ATAD3A: variants seen among roughly 807,000 people sequenced by gnomAD.
ATAD3A encodes the protein ATPase family AAA domain containing 3A, also known as ATPase family AAA domain-containing protein 3A.
ATAD3A carries 46 observed loss-of-function variants against 73.8 expected under a neutral mutation model. That is an observed-to-expected ratio of 0.62 (90% CI 0.49 to 0.80). The LOEUF (loss-of-function observed/expected upper bound fraction) is 0.80, where lower values mean the gene tolerates loss of function less well. Ranked by LOEUF, ATAD3A falls within the 30% of genes least tolerant of loss-of-function variation. ATAD3A has a pLI of 0.00. For synonymous variants in ATAD3A, 319 were observed against 350.0 expected (o/e 0.91, Z 0.99); for missense variants, 705 against 838.0 (o/e 0.84, Z 1.96).
intron 13 of ATAD3A, 121 bp downstream of exon 13, chr1:1,526,652 C>T (rs1387107618): frequency 1.9e-6 from 3 of 1,553,616 alleles, no homozygotes; most frequent in South Asian, 1.2e-5. Flanking sequence ...GTGGCCTCAA[C>T]ATGCCCACCT....
chr1:1,525,786 G>T (rs1177605006), intron 12 of ATAD3A, among the ~76,000 whole-genome samples: 2 of 152,038 alleles, frequency 1.3e-5, no homozygotes, highest in Non-Finnish European at 2.9e-5. Context: ...GCTCACTGTT[G>T]CCTCGACCTC....
chr1:1,519,178 G>A (rs1430979053), intron 5 of ATAD3A, among the ~76,000 whole-genome samples, 188 bp downstream of exon 5: 1 of 151,532 alleles, frequency 6.6e-6, no homozygotes, highest in Non-Finnish European at 1.5e-5. Context: ...TGGACGCCAG[G>A]ATCTGTTCAG....
At chr1:1,518,225 C>T (rs372287501) in intron 4 of ATAD3A, among the ~76,000 whole-genome samples, 7 of 151,208 alleles carry the variant, frequency 4.6e-5, no homozygotes, top group South Asian at 4.2e-4. Flanking sequence ...CAGACAGGTA[C>T]GCACATACAC....
intron 1 of ATAD3A, among the ~76,000 whole-genome samples, chr1:1,514,522 GT>G (rs1488163502): frequency 6.6e-6 from 1 of 152,198 alleles, no homozygotes; most frequent in Non-Finnish European, 1.5e-5. Context: ...GGCCCCCGAG[GT>G]TAGCTACCAA....
Position 1,520,935 on chromosome 1 carries a change from G to T in ATAD3A, c.750+318G>T, listed in dbSNP as rs551773042. ...AGGAGGATCACTTAAGCCCAGGGAG[G>T]TTGCAGCTGCACTGAGCTGAGATCG... On this transcript the variant is annotated intron_variant, in intron 7 of 15. Coordinates refer to ENST00000378756, the MANE Select transcript of ATAD3A (RefSeq NM_001170535.3). This position sits in a 1 kb window ranked among gnomAD's most constrained non-coding sequence, Gnocchi z 4.0. 2.2e-3 allele frequency among the ~76,000 whole-genome samples: 339 copies of T among 152,128 alleles called. No individual in the cohort carries two copies. The highest frequency in any genetic ancestry group is 7.6e-3 in the African/African-American group (317 of 41,504).
At chr1:1,533,739 C>T (rs1642115101) in intron 15 of ATAD3A, among the ~76,000 whole-genome samples, 187 bp from the exon 16 acceptor site, 1 of 151,504 alleles carries the variant, frequency 6.6e-6, no homozygotes, top group Non-Finnish European at 1.5e-5. Flanking sequence ...GGGCTGTGGG[C>T]ACTGCAGGGG....
intron 13 of ATAD3A, 61 bp from the exon 14 acceptor site, chr1:1,527,634 T>C: frequency 1.9e-6 from 3 of 1,545,838 alleles, no homozygotes; most frequent in Non-Finnish European, 2.6e-6. Flanking sequence ...GGAGGCCCCG[T>C]TCCCCTTGGT....
rs762608289 is a variant in ATAD3A at position 1,527,688 on chromosome 1, C to T, written c.1338-7C>T. 2 of 1,606,642 alleles carry T rather than the reference C, an allele frequency of 1.2e-6. No homozygotes were observed. The highest frequency in any genetic ancestry group is 1.7e-5 in the Admixed American group (1 of 59,476). On this transcript the variant is annotated splice_region_variant and splice_polypyrimidine_tract_variant and intron_variant, in intron 13 of 15. Coordinates refer to ENST00000378756, the MANE Select transcript of ATAD3A (RefSeq NM_001170535.3). ...CCAGCATCCTCATCCTCATCCCCGCCCCGCAGGTTCATGCTGGTCCTGGCC... is the reference window on the plus strand; with the variant it reads ...CCAGCATCCTCATCCTCATCCCCGCTCCGCAGGTTCATGCTGGTCCTGGCC...
At chr1:1,514,147 G>T (rs192523565) in intron 1 of ATAD3A, among the ~76,000 whole-genome samples, 215 of 152,258 alleles carry the variant, frequency 1.4e-3, no homozygotes, top group Admixed American at 2.7e-3. Flanking sequence ...TCTAATAACC[G>T]AGAGGCCACA....
chr1:1,523,513 C>T lies in ATAD3A; in HGVS notation c.909C>T (p.Val303=). The change falls in exon 9 of 16, where the codon GTC becomes GTT. Residue 303 remains valine, a splice_region_variant and synonymous_variant. Transcript: ENST00000378756. The surrounding 1 kb of genome is among the most constrained non-coding windows in gnomAD (Gnocchi z 5.1). ...CGCTTCCCCTTCCCCTCCGGCAGGT[C>T]AGCCGGCGGCTCCTCAGTCGACCCC... is the stretch of plus-strand genomic sequence containing the variant. ...VLEALRHPIQ[V]SRRLLSRPQD... The T allele has an allele frequency of 6.2e-7, 1 of 1,612,260 alleles. No individual in the cohort carries two copies. The highest frequency in any genetic ancestry group is 1.1e-5 in the South Asian group (1 of 90,854).
Position 1,534,078 on chromosome 1 carries a change from C to T in ATAD3A, c.*6C>T, listed in dbSNP as rs577672814. 1.4e-4 allele frequency: 232 copies of T among 1,613,244 alleles called. No homozygotes were observed. Among genetic ancestry groups the T allele is most frequent in the Non-Finnish European group, 1.8e-4 (210 of 1,179,628 alleles). On this transcript the variant is annotated 3_prime_UTR_variant, in exon 16 of 16. Coordinates refer to ENST00000378756, the MANE Select transcript of ATAD3A (RefSeq NM_001170535.3). Reference sequence around the variant, plus strand: ...ACGAGCCCTCCCCATCCTGAGTCCACAGGGAGATCCACAGCTCACGGAGCC... The same window carrying T: ...ACGAGCCCTCCCCATCCTGAGTCCATAGGGAGATCCACAGCTCACGGAGCC...
Position 1,534,108 on chromosome 1 carries a change from C to G in ATAD3A, c.*36C>G, listed in dbSNP as rs377549055. 6 of 1,613,212 alleles carry G rather than the reference C, an allele frequency of 3.7e-6. No individual in the cohort carries two copies. The highest frequency in any genetic ancestry group is 4.2e-6 in the Non-Finnish European group (5 of 1,179,748). Reference sequence around the variant, plus strand: ...AGATCCACAGCTCACGGAGCCTGGCCGCGGACCCCTCCCACCCCTGCCTTG... The same window carrying G: ...AGATCCACAGCTCACGGAGCCTGGCGGCGGACCCCTCCCACCCCTGCCTTG... On this transcript the variant is annotated 3_prime_UTR_variant, in exon 16 of 16. Transcript: ENST00000378756.
chr1:1,518,689 A>ACACACCCC (rs1553125142), intron 4 of ATAD3A, among the ~76,000 whole-genome samples: 1 of 85,982 alleles, frequency 1.2e-5, no homozygotes, highest in African/African-American at 5.2e-5. Context: ...ACACACACAC[A>ACACACCCC]CCCAAACGGG....
chr1:1,518,877 A>G (rs1206450502), intron 4 of ATAD3A, 44 bp from the exon 5 acceptor site: 1 of 1,613,556 alleles, frequency 6.2e-7, no homozygotes, highest in Non-Finnish European at 8.5e-7. Flanking sequence ...GGGCACAGTC[A>G]CAGGTTTTAA....
rs1268343922 is a variant in ATAD3A, at chr1:1,520,069, C to A, written c.515-72C>A. ...GCGTGGGCCGGTCCGTGGCGTGGGC[C>A]GGTCCACAGTGTGGGTGGAGGTGGA... On this transcript the variant is annotated intron_variant, in intron 5 of 15. Coordinates refer to ENST00000378756, the MANE Select transcript of ATAD3A (RefSeq NM_001170535.3). The surrounding 1 kb of genome is among the most constrained non-coding windows in gnomAD (Gnocchi z 4.0). The A allele has an allele frequency of 5.8e-6, 9 of 1,552,282 alleles. No homozygotes were observed. Among genetic ancestry groups the A allele is most frequent in the Non-Finnish European group, 7.8e-6 (9 of 1,148,504 alleles).
rs751798068 is a variant in ATAD3A at position 1,529,172 on chromosome 1, T to C, written c.1506-51T>C. On this transcript the variant is annotated intron_variant, in intron 14 of 15. Coordinates refer to ENST00000378756, the MANE Select transcript of ATAD3A (RefSeq NM_001170535.3). ...TGCCTGTCTTCCGGCCTCCACCTCG[T>C]GTTGTGGGAGCTGCTGCCTTGGCCG... 8 of 1,596,530 alleles carry C rather than the reference T, an allele frequency of 5.0e-6. No individual in the cohort carries two copies. In the Admixed American group the frequency reaches 5.4e-5, roughly 11 times the overall value.
At position 1,520,056 on chromosome 1, in the gene ATAD3A, C is replaced by T; in HGVS notation, c.515-85C>T. ...TGGTCTGTCCGTGGCGTGGGCCGGTCCGTGGCGTGGGCCGGTCCACAGTGT... is the reference window on the plus strand; with the variant it reads ...TGGTCTGTCCGTGGCGTGGGCCGGTTCGTGGCGTGGGCCGGTCCACAGTGT... On this transcript the variant is annotated intron_variant, in intron 5 of 15. Coordinates refer to ENST00000378756, the MANE Select transcript of ATAD3A (RefSeq NM_001170535.3). This position sits in a 1 kb window ranked among gnomAD's most constrained non-coding sequence, Gnocchi z 4.0. 12 of 1,532,900 alleles carry T rather than the reference C, an allele frequency of 7.8e-6. No homozygotes were observed. Among genetic ancestry groups the T allele is most frequent in the Non-Finnish European group, 1.1e-5 (12 of 1,138,408 alleles). The allele number at this position is 1,532,900 out of a possible 1,614,324, so 95.0% of individuals were successfully genotyped here.
rs12065730 is a variant in ATAD3A at position 1,520,318 on chromosome 1, C to T, written c.680+12C>T. 2.0e-3 allele frequency: 3,287 copies of T among 1,609,016 alleles called. No individual in the cohort carries two copies. In the African/African-American group the frequency reaches 0.039, roughly 19 times the overall value. On this transcript the variant is annotated intron_variant, in intron 6 of 15. Transcript: ENST00000378756. The surrounding 1 kb of genome is among the most constrained non-coding windows in gnomAD (Gnocchi z 4.0). Reference sequence around the variant, plus strand: ...TTGGAGTCCATCAGGTGAGCACTGCCGAGGCCCGGGCCGGCCACAGATGGA... The same window carrying T: ...TTGGAGTCCATCAGGTGAGCACTGCTGAGGCCCGGGCCGGCCACAGATGGA...
chr1:1,522,497 C>G (rs189962097), intron 7 of ATAD3A, among the ~76,000 whole-genome samples: 246 of 152,358 alleles, frequency 1.6e-3, no homozygotes, highest in African/African-American at 5.6e-3. Flanking sequence ...CCGAGGCTTT[C>G]TAGGATTTAT....
Sources: gnomAD v4.1 joint callset for allele counts (sites outside exome capture counted in the v4.1 genomes callset) on GRCh38, gnomAD v4.1.1 for gene constraint, Gnocchi (gnomAD v3.1) non-coding constraint, MANE v1.5 for transcripts, NCBI Gene and HGNC (gene_info 2026-07-23, HGNC 2026-07-21) for gene names.